MYT1: variants seen among roughly 807,000 people sequenced by gnomAD.
The protein encoded by MYT1 is myelin transcription factor I.
Under a neutral mutation model 123.0 loss-of-function variants are expected in MYT1, and 23 were observed. The observed-to-expected ratio is 0.19, with a 90% CI of 0.13 to 0.26. The LOEUF (loss-of-function observed/expected upper bound fraction) is 0.26, where lower values mean the gene tolerates loss of function less well. MYT1 is among the 10% of genes least tolerant of loss of function. The pLI is 1.00. For missense variants in MYT1, 1,125 were observed against 1,472.5 expected (o/e 0.76, Z 3.86); for synonymous variants, 518 against 575.3 (o/e 0.90, Z 1.43).
intron 11 of MYT1, among the ~76,000 whole-genome samples, chr20:64,217,738 C>T (rs936865655): frequency 5.9e-5 from 9 of 152,328 alleles, no homozygotes; most frequent in Admixed American, 4.6e-4. Context: ...CAGATGACTG[C>T]GGGGCTGGGC....
chr20:64,211,058 T>A (rs1983651753), intron 7 of MYT1, 148 bp from the exon 8 acceptor site: 4 of 857,684 alleles, frequency 4.7e-6, no homozygotes, highest in Non-Finnish European at 6.9e-6. Flanking sequence ...CTCCTGACTG[T>A]CCAGCCCCAG....
Position 64,205,037 on chromosome 20 carries a change from G to T in MYT1, c.89G>T (p.Cys30Phe). 6.2e-7 allele frequency: 1 copy of T among 1,613,984 alleles called. No individual in the cohort carries two copies. Among genetic ancestry groups the T allele is most frequent in the Non-Finnish European group, 8.5e-7 (1 of 1,180,012 alleles). ...CTTGCCTTTTTATTTCCCCTCAGCT[G>T]CCCCACCCCAGGATGCACAGGCTCA... ...PPETTAADLS[C>F]PTPGCTGSGH... The change falls in exon 5 of 23, where the codon TGC becomes TTC. Residue 30 changes from cysteine to phenylalanine, a missense_variant and splice_region_variant. Cys to Phe is a radical substitution (Grantham distance 205, BLOSUM62 -2). This residue lies in a region of MYT1 where 406 missense variants were observed against 432.2 expected (regional missense o/e 0.94). Coordinates refer to ENST00000328439, the MANE Select transcript of MYT1 (RefSeq NM_004535.3).
intron 4 of MYT1, 147 bp from the exon 5 acceptor site, chr20:64,204,888 C>A (rs373998302): frequency 2.9e-6 from 2 of 685,194 alleles, no homozygotes; most frequent in Admixed American, 2.7e-5. Flanking sequence ...TTGAATGGGG[C>A]GAGTTATTAA....
intron 1 of MYT1, among the ~76,000 whole-genome samples, chr20:64,180,237 C>T (rs1054135868): frequency 1.3e-5 from 2 of 152,218 alleles, no homozygotes; most frequent in African/African-American, 4.8e-5. Context: ...ACGCCACACA[C>T]ACACCCTTTT....
rs745360097 is a variant in MYT1 at position 64,185,010 on chromosome 20, G to C, written c.-98-5053G>C. Among the ~76,000 whole-genome samples the C allele has an allele frequency of 2.0e-5, 3 of 152,202 alleles. No homozygotes were observed. The East Asian group carries it at 5.8e-4, about 29-fold the overall frequency. Reference sequence around the variant, plus strand: ...TCACGTGCCCTGTGAACATGAAGCCGCCTGTTGTTCCAGTAGAGGGATGTG... The same window carrying C: ...TCACGTGCCCTGTGAACATGAAGCCCCCTGTTGTTCCAGTAGAGGGATGTG... On this transcript the variant is annotated intron_variant, in intron 1 of 22. Coordinates refer to ENST00000328439, the MANE Select transcript of MYT1 (RefSeq NM_004535.3). This position sits in a 1 kb window ranked among gnomAD's most constrained non-coding sequence, Gnocchi z 4.5.
Position 64,167,723 on chromosome 20 carries a change from T to C in MYT1, c.-99+2984T>C, listed in dbSNP as rs1430285922. ...CCCGCAGGGGCTGGGGGGGCTCTTC[T>C]CTTTCTTCCTCTCTCCCATCTTCCT... On this transcript the variant is annotated intron_variant, in intron 1 of 22. Transcript: ENST00000328439. This position sits in a 1 kb window ranked among gnomAD's most constrained non-coding sequence, Gnocchi z 6.3. Among the ~76,000 whole-genome samples, 1 of 152,226 alleles carries C rather than the reference T, an allele frequency of 6.6e-6. No individual in the cohort carries two copies. Among genetic ancestry groups the C allele is most frequent in the East Asian group, 1.9e-4 (1 of 5,206 alleles).
At chr20:64,236,281 G>GGGAT (rs1984538730) in intron 19 of MYT1, among the ~76,000 whole-genome samples, 1 of 145,574 alleles carries the variant, frequency 6.9e-6, no homozygotes, top group African/African-American at 2.6e-5. Flanking sequence ...GGGTGACCCG[G>GGGAT]GGCTGGCCGC....
intron 18 of MYT1, among the ~76,000 whole-genome samples, chr20:64,228,554 T>C (rs1184625170): frequency 1.3e-5 from 2 of 152,158 alleles, no homozygotes; most frequent in Non-Finnish European, 2.9e-5. Flanking sequence ...CCTCTATTGC[T>C]CTTCTCACTG....
At chr20:64,200,362 G>A (rs1056106793) in intron 4 of MYT1, among the ~76,000 whole-genome samples, 3 of 152,216 alleles carry the variant, frequency 2.0e-5, no homozygotes, top group Non-Finnish European at 4.4e-5. Context: ...CAGCAGTTCT[G>A]TGTGCTGATG....
At chr20:64,210,173 G>A (rs1022031632) in intron 7 of MYT1, among the ~76,000 whole-genome samples, 35 of 152,328 alleles carry the variant, frequency 2.3e-4, no homozygotes, top group African/African-American at 8.2e-4. Context: ...AGACATAGGA[G>A]GACCCAGATG....
rs1045872464 is a variant in MYT1, at chr20:64,183,765, T to C, written c.-98-6298T>C. Reference sequence around the variant, plus strand: ...TACAAGCTCTTTATCAGATTTACGATTTGCAAATATTTTCTCCCAGTCTTT... The same window carrying C: ...TACAAGCTCTTTATCAGATTTACGACTTGCAAATATTTTCTCCCAGTCTTT... On this transcript the variant is annotated intron_variant, in intron 1 of 22. Transcript: ENST00000328439. Among the ~76,000 whole-genome samples, 19 of 152,306 alleles carry C rather than the reference T, an allele frequency of 1.2e-4. No homozygotes were observed. The South Asian group carries it at 2.1e-3, about 17-fold the overall frequency.
intron 18 of MYT1, among the ~76,000 whole-genome samples, chr20:64,230,142 T>C (rs928490963): frequency 6.6e-6 from 1 of 152,154 alleles, no homozygotes; most frequent in Non-Finnish European, 1.5e-5. Flanking sequence ...ATCCTCTCCA[T>C]GTATGCGATT....
rs71197459 is a variant in MYT1 at position 64,170,884 on chromosome 20, T to TAGAGAGAGAG, written c.-99+6187_-99+6196dup. The stretch of plus-strand genomic sequence containing the variant: ...ATATATATATATATATATATATATA[T>TAGAGAGAGAG]AGAGAGAGAGAGAGAGAGAGAGAGA... On this transcript the variant is annotated intron_variant, in intron 1 of 22. Coordinates refer to ENST00000328439, the MANE Select transcript of MYT1 (RefSeq NM_004535.3). Among the ~76,000 whole-genome samples, 70 of 20,008 alleles carry TAGAGAGAGAG rather than the reference T, an allele frequency of 3.5e-3. 4 individuals are homozygous for TAGAGAGAGAG. The highest frequency in any genetic ancestry group is 3.8e-3 in the Non-Finnish European group (48 of 12,582). The allele number at this position is 20,008 out of a possible 152,430, so 13.1% of individuals were successfully genotyped here. A position where few individuals can be genotyped will look rare whatever the true frequency, so the allele number is the denominator to read the frequency against.
intron 7 of MYT1, among the ~76,000 whole-genome samples, chr20:64,210,860 G>A (rs538738351): frequency 1.8e-4 from 28 of 152,358 alleles, no homozygotes; most frequent in Non-Finnish European, 3.7e-4. Flanking sequence ...ATTGCCAAAC[G>A]CCTTGACCTC....
rs75499635 is a variant in MYT1 at position 64,166,369 on chromosome 20, C to T, written c.-99+1630C>T. 0.01 allele frequency among the ~76,000 whole-genome samples: 1,538 copies of T among 152,210 alleles called. 26 individuals carry two copies. Among genetic ancestry groups the T allele is most frequent in the African/African-American group, 0.035 (1,436 of 41,518 alleles). ...GTAGAGACTGAGACTCCTACAGGGT[C>T]CCCCCGACCCCCTGGGCACCTGGAC... On this transcript the variant is annotated intron_variant, in intron 1 of 22. Transcript: ENST00000328439. The surrounding 1 kb of genome is among the most constrained non-coding windows in gnomAD (Gnocchi z 4.9).
Position 64,216,992 on chromosome 20 carries a change from A to T in MYT1, c.1632-75A>T. The T allele has an allele frequency of 2.1e-6, 3 of 1,421,760 alleles. No individual in the cohort carries two copies. In the South Asian group the frequency reaches 3.5e-5, roughly 17 times the overall value. 88.1% of individuals were successfully genotyped at this position (1,421,760 alleles called of 1,614,324 possible). On this transcript the variant is annotated intron_variant, in intron 10 of 22. Transcript: ENST00000328439. ...TGTGAGGCCCCTGCCTGGGCTGCAG[A>T]TTGGGGTTGGGGAGGGTGGCACGGG... is the stretch of plus-strand genomic sequence containing the variant.
At chr20:64,217,342 C>T in intron 11 of MYT1, 61 bp downstream of exon 11, 3 of 1,569,782 alleles carry the variant, frequency 1.9e-6, no homozygotes, top group Non-Finnish European at 2.6e-6. Context: ...GGGCAGGATT[C>T]AAGGGGCAGT....
chr20:64,200,646 C>T (rs569066939), intron 4 of MYT1, among the ~76,000 whole-genome samples: 9 of 152,282 alleles, frequency 5.9e-5, no homozygotes, highest in East Asian at 1.9e-4. Flanking sequence ...CCAGGCTCTG[C>T]GTCAGTCACA....
At chr20:64,177,673 T>TCTCCAGGGTGGGGACATGAGGGC (rs1569305707) in intron 1 of MYT1, among the ~76,000 whole-genome samples, 8 of 137,304 alleles carry the variant, frequency 5.8e-5, no homozygotes, top group East Asian at 2.1e-4. Context: ...GACAAGAGGG[T>TCTCCAGGGTGGGGACATGAGGGC]ACCCCTCTCC....
Sources: allele counts gnomAD v4.1 joint callset (sites outside exome capture counted in the v4.1 genomes callset), GRCh38; gene constraint gnomAD v4.1.1; regional missense constraint gnomAD v4.1.1; non-coding constraint Gnocchi (gnomAD v3.1); transcripts MANE v1.5; gene names NCBI Gene and HGNC (gene_info 2026-07-23, HGNC 2026-07-21).